Variants in SPON1 observed in about 807,000 individuals in gnomAD.
The protein encoded by SPON1 is spondin-1.
In SPON1, 52 loss-of-function variants were observed where a neutral mutation model predicts 111.7. The ratio of observed to expected loss-of-function variants is 0.47; its 90% CI spans 0.37 to 0.59. SPON1 has a LOEUF of 0.59. Among genes scored for constraint, SPON1 ranks in the 20% least tolerant of loss-of-function variants. The pLI is 0.00. For missense variants in SPON1, 957 were observed against 1,068.5 expected, an observed-to-expected ratio of 0.90 and a Z score of 1.46; for synonymous variants, 410 against 395.8, an observed-to-expected ratio of 1.04 and a Z score of -0.43.
At chr11:14,188,270 G>A (rs1373384866) in intron 6 of SPON1, among the ~76,000 whole-genome samples, 1 of 152,082 alleles carries the variant, frequency 6.6e-6, no homozygotes, top group Non-Finnish European at 1.5e-5. Context: ...GCCAGTGAAG[G>A]TTTTAAGATG....
chr11:14,088,880 T>C (rs868925989), intron 5 of SPON1, among the ~76,000 whole-genome samples: 15 of 151,968 alleles, frequency 9.9e-5, no homozygotes, highest in African/African-American at 2.9e-4. Context: ...TTTTGGTAAG[T>C]TGATCTTCAA....
Position 13,982,831 on chromosome 11 carries a change from T to C in SPON1, c.239-16T>C. The stretch of plus-strand genomic sequence containing the variant: ...TGATTCTTATACTTAAAACCTGCTT[T>C]TTTCTCTCTCTGCAGTAACACTTTC... On this transcript the variant is annotated splice_polypyrimidine_tract_variant and intron_variant, in intron 1 of 15. Coordinates refer to ENST00000576479, the MANE Select transcript of SPON1 (RefSeq NM_006108.4). 6.6e-7 allele frequency: 1 copy of C among 1,522,060 alleles called. No individual in the cohort carries two copies. Among genetic ancestry groups the C allele is most frequent in the Non-Finnish European group, 8.9e-7 (1 of 1,119,588 alleles). 94.3% of individuals were successfully genotyped at this position (1,522,060 alleles called of 1,614,324 possible).
chr11:14,075,491 T>G (rs782727498), intron 4 of SPON1, 73 bp downstream of exon 4: 106 of 1,161,902 alleles, frequency 9.1e-5, no homozygotes, highest in Non-Finnish European at 1.3e-4. Flanking sequence ...ATCCTCCTGC[T>G]GCAAGAATTA....
chr11:14,171,703 G>T (rs376662239), intron 6 of SPON1, among the ~76,000 whole-genome samples: 1 of 151,962 alleles, frequency 6.6e-6, no homozygotes, highest in Admixed American at 6.6e-5. Context: ...CTTTGTTCTC[G>T]TTGGTTTCAA....
At chr11:13,986,334 T>C (rs1249760827) in intron 2 of SPON1, among the ~76,000 whole-genome samples, 1 of 152,206 alleles carries the variant, frequency 6.6e-6, no homozygotes, top group Non-Finnish European at 1.5e-5. Context: ...TATGATGACT[T>C]TGAGGGCTTA....
chr11:14,092,069 C>T (rs1186814702), intron 5 of SPON1, among the ~76,000 whole-genome samples: 1 of 152,220 alleles, frequency 6.6e-6, no homozygotes, highest in Admixed American at 6.5e-5. Flanking sequence ...ATGCAGAAAT[C>T]ACCCGCCTTC....
chr11:14,156,305 T>C (rs1212845674), intron 6 of SPON1, among the ~76,000 whole-genome samples: 2 of 141,286 alleles, frequency 1.4e-5, no homozygotes, highest in African/African-American at 5.1e-5. Context: ...TTGAGAAGTG[T>C]CTGTTCATGT....
chr11:14,061,022 T>C (rs1848787672), intron 3 of SPON1, among the ~76,000 whole-genome samples: 1 of 152,100 alleles, frequency 6.6e-6, no homozygotes, highest in African/African-American at 2.4e-5. Flanking sequence ...GAAGGAAAGA[T>C]AAAATTTTTC....
At chr11:14,039,535 A>C (rs1330716517) in intron 2 of SPON1, among the ~76,000 whole-genome samples, 1 of 152,168 alleles carries the variant, frequency 6.6e-6, no homozygotes, top group East Asian at 1.9e-4. Flanking sequence ...AAAATTTATT[A>C]ATGTTTTTTT....
chr11:14,078,356 T>G (rs1554921704), intron 4 of SPON1, among the ~76,000 whole-genome samples: 1 of 152,204 alleles, frequency 6.6e-6, no homozygotes, highest in African/African-American at 2.4e-5. Context: ...CTTTTGGTTT[T>G]TGTAGAGACT....
At chr11:14,152,568 T>C (rs1005456145) in intron 6 of SPON1, among the ~76,000 whole-genome samples, 3 of 152,236 alleles carry the variant, frequency 2.0e-5, no homozygotes, top group Non-Finnish European at 4.4e-5. Flanking sequence ...GAAACACATC[T>C]GATTCTTACT....
intron 15 of SPON1, among the ~76,000 whole-genome samples, chr11:14,263,864 A>G (rs1849224483): frequency 6.6e-6 from 1 of 151,976 alleles, no homozygotes; most frequent in Non-Finnish European, 1.5e-5. Flanking sequence ...CCCCATCTCT[A>G]CTAAAAGTAC....
chr11:14,147,752 T>TG (rs1235202162), intron 6 of SPON1, among the ~76,000 whole-genome samples: 2 of 52,538 alleles, frequency 3.8e-5, no homozygotes, highest in South Asian at 6.2e-4. Context: ...ATACTAAGAC[T>TG]TTTTTTTTTT....
chr11:14,154,072 T>C (rs1437919499), intron 6 of SPON1, among the ~76,000 whole-genome samples: 1 of 152,158 alleles, frequency 6.6e-6, no homozygotes, highest in Non-Finnish European at 1.5e-5. Flanking sequence ...CCCCTGCAGC[T>C]GTTTTCACAG....
At chr11:14,246,405 G>A (rs956527690) in intron 7 of SPON1, among the ~76,000 whole-genome samples, 3 of 152,138 alleles carry the variant, frequency 2.0e-5, no homozygotes, top group Non-Finnish European at 4.4e-5. Flanking sequence ...TGACAGCAAG[G>A]GTGGATATAG....
At chr11:14,057,437 CTG>C (rs1430043246) in intron 3 of SPON1, among the ~76,000 whole-genome samples, 16 of 152,294 alleles carry the variant, frequency 1.1e-4, no homozygotes, top group Admixed American at 9.2e-4. Context: ...AAATGCAACA[CTG>C]TGATTCTAAA....
At chr11:14,034,987 C>T (rs1016916397) in intron 2 of SPON1, among the ~76,000 whole-genome samples, 1 of 152,178 alleles carries the variant, frequency 6.6e-6, no homozygotes, top group Admixed American at 6.5e-5. Flanking sequence ...TTCTGCAAGT[C>T]CAAGAAAATC....
intron 6 of SPON1, among the ~76,000 whole-genome samples, chr11:14,216,165 A>G (rs1848624279): frequency 1.3e-5 from 2 of 152,240 alleles, no homozygotes; most frequent in South Asian, 4.1e-4. Flanking sequence ...AAAGATGCAC[A>G]TACAGGAAGC....
intron 6 of SPON1, among the ~76,000 whole-genome samples, chr11:14,243,105 C>T (rs967605589): frequency 5.9e-5 from 9 of 152,332 alleles, no homozygotes; most frequent in East Asian, 5.8e-4. Flanking sequence ...AGGTGTGACT[C>T]AGTGGCCCTT....
Sources: gnomAD v4.1 joint callset for allele counts (sites outside exome capture counted in the v4.1 genomes callset) on GRCh38, gnomAD v4.1.1 for gene constraint, MANE v1.5 for transcripts, NCBI Gene and HGNC (gene_info 2026-07-23, HGNC 2026-07-21) for gene names.